Variants in GLMN observed in about 807,000 individuals in gnomAD.
GLMN encodes the protein glomulin.
A neutral mutation model predicts 87.8 loss-of-function variants in GLMN; 75 were observed. The ratio of observed to expected loss-of-function variants is 0.85; its 90% CI spans 0.71 to 1.04. The LOEUF (loss-of-function observed/expected upper bound fraction) is 1.04, where lower values mean the gene tolerates loss of function less well. Among genes scored for constraint, GLMN ranks in the 50% least tolerant of loss-of-function variants. The pLI is 0.00. For synonymous variants in GLMN, 206 were observed against 221.6 expected (o/e 0.93, Z 0.63); for missense variants, 588 against 658.8 (o/e 0.89, Z 1.18).
At chr1:92,369,681 G>A in the GLMN span, among the ~76,000 whole-genome samples, 1 of 152,074 alleles carries the variant, frequency 6.6e-6, no homozygotes, top group Non-Finnish European at 1.5e-5. Flanking sequence ...GTGTATTGGG[G>A]TAGGAGTTGT....
intron 16 of GLMN, among the ~76,000 whole-genome samples, chr1:92,253,498 C>T (rs1453897712): frequency 1.3e-5 from 2 of 152,210 alleles, no homozygotes; most frequent in African/African-American, 4.8e-5. Flanking sequence ...CAGGGGTCAA[C>T]AGCCACCTCA....
At chr1:92,326,083 A>C in the GLMN span, among the ~76,000 whole-genome samples, 1 of 151,834 alleles carries the variant, frequency 6.6e-6, no homozygotes. Flanking sequence ...GCATATATGC[A>C]ACTATACTAG....
At chr1:92,263,046 T>C (rs1010110473) in intron 15 of GLMN, 120 bp from the exon 16 acceptor site, 14 of 546,050 alleles carry the variant, frequency 2.6e-5, no homozygotes, top group African/African-American at 2.5e-4. Context: ...ACTATTTCCA[T>C]TAATATCTTT....
chr1:92,318,942 A>G, the GLMN span, among the ~76,000 whole-genome samples: 1 of 152,210 alleles, frequency 6.6e-6, no homozygotes, highest in Admixed American at 6.5e-5. Flanking sequence ...GACTTCTTTA[A>G]TAAAGGCTTA....
chr1:92,329,920 G>C, the GLMN span, among the ~76,000 whole-genome samples: 1 of 152,128 alleles, frequency 6.6e-6, no homozygotes, highest in Non-Finnish European at 1.5e-5. Flanking sequence ...TTAATTATAG[G>C]ACTGTTTTCC....
At chr1:92,295,081 A>G (rs1001494819) in intron 3 of GLMN, among the ~76,000 whole-genome samples, 3 of 152,250 alleles carry the variant, frequency 2.0e-5, no homozygotes, top group African/African-American at 7.2e-5. Flanking sequence ...TAAGCCTCAC[A>G]TGTTTAAATC....
At chr1:92,302,665 G>T (rs576482134), upstream of GLMN, among the ~76,000 whole-genome samples, 1 of 139,440 alleles carries the variant, frequency 7.2e-6, no homozygotes, top group African/African-American at 2.7e-5. Context: ...GCAGTGGCGG[G>T]ATCTCTGCTC....
the GLMN span, among the ~76,000 whole-genome samples, chr1:92,335,226 C>G: frequency 6.6e-6 from 1 of 152,036 alleles, no homozygotes; most frequent in South Asian, 2.1e-4. Context: ...TTGGATTATG[C>G]CACTGCACTC....
At chr1:92,288,382 AAAG>A (rs1206062007) in intron 6 of GLMN, among the ~76,000 whole-genome samples, 6 of 152,150 alleles carry the variant, frequency 3.9e-5, no homozygotes, top group African/African-American at 1.4e-4. Context: ...AAGGCAATAC[AAAG>A]AAGAATATAA....
At chr1:92,309,440 CA>C in the GLMN span, among the ~76,000 whole-genome samples, 9 of 145,754 alleles carry the variant, frequency 6.2e-5, no homozygotes, top group Non-Finnish European at 7.5e-5. Context: ...GACTCCATCT[CA>C]AAAAAAAAAA....
At chr1:92,324,397 T>A in the GLMN span, 6 of 1,551,776 alleles carry the variant, frequency 3.9e-6, no homozygotes, top group South Asian at 5.8e-5. Flanking sequence ...AGACATTGAG[T>A]TTTTCCAGAT....
chr1:92,252,592 C>A (rs1251293922), intron 16 of GLMN, among the ~76,000 whole-genome samples: 1 of 149,786 alleles, frequency 6.7e-6, no homozygotes, highest in African/African-American at 2.6e-5. Context: ...TTCTGTTCAG[C>A]ATAATTCCAC....
At chr1:92,290,362 T>C (rs111452954) in intron 4 of GLMN, 56 bp from the exon 5 acceptor site, 1 of 1,017,230 alleles carries the variant, frequency 9.8e-7, no homozygotes, top group Non-Finnish European at 1.6e-6. Context: ...TAAAGCCACA[T>C]TATTACTATT....
chr1:92,346,198 C>G, the GLMN span, among the ~76,000 whole-genome samples: 3 of 149,884 alleles, frequency 2.0e-5, no homozygotes, highest in African/African-American at 7.4e-5. Flanking sequence ...GGGTCTCGCT[C>G]TGTTGCCCAT....
At chr1:92,304,072 A>C in the GLMN span, 1 of 1,595,122 alleles carries the variant, frequency 6.3e-7, no homozygotes, top group South Asian at 1.1e-5. Context: ...AGAAGCTGGG[A>C]ATTGTAAGTA....
At chr1:92,362,982 C>T in the GLMN span, among the ~76,000 whole-genome samples, 72,226 of 151,984 alleles carry the variant, frequency 0.48, 18,177 homozygotes, top group East Asian at 0.96. Context: ...GTGCCACTAG[C>T]TAATTCTTTG....
chr1:92,335,041 G>A, the GLMN span, among the ~76,000 whole-genome samples: 2 of 152,132 alleles, frequency 1.3e-5, no homozygotes, highest in East Asian at 1.9e-4. Context: ...TACTACTCAG[G>A]AGGCTGAAGT....
chr1:92,354,448 G>A, the GLMN span, among the ~76,000 whole-genome samples: 1 of 152,308 alleles, frequency 6.6e-6, no homozygotes, highest in South Asian at 2.1e-4. Context: ...TAGATATAAA[G>A]TTGTAAAGTC....
At chr1:92,360,561 G>C in the GLMN span, among the ~76,000 whole-genome samples, 11 of 152,168 alleles carry the variant, frequency 7.2e-5, no homozygotes, top group Admixed American at 2.0e-4. Context: ...GGCAAGGCTG[G>C]AAGAACTAGA....
Sources: allele counts gnomAD v4.1 joint callset (sites outside exome capture counted in the v4.1 genomes callset), GRCh38; gene constraint gnomAD v4.1.1; transcripts MANE v1.5; gene names NCBI Gene and HGNC (gene_info 2026-07-23, HGNC 2026-07-21).